RARB: variants seen among roughly 807,000 people sequenced by gnomAD.
RARB encodes the protein HBV-activated protein.
Under a neutral mutation model 51.9 loss-of-function variants are expected in RARB, and 17 were observed. That is an observed-to-expected ratio of 0.33 (90% CI 0.22 to 0.49). The LOEUF is 0.49. RARB is among the 20% of genes least tolerant of loss of function. RARB has a pLI of 0.99. For missense variants in RARB, 369 were observed against 550.8 expected (o/e 0.67, Z 3.30); for synonymous variants, 215 against 195.4 (o/e 1.10, Z -0.84).
intron 3 of RARB, among the ~76,000 whole-genome samples, chr3:25,078,640 G>T (rs989194343): frequency 6.6e-6 from 1 of 151,450 alleles, no homozygotes; most frequent in South Asian, 2.1e-4. Flanking sequence ...ATGTTCAAGC[G>T]ATTCTCCTGC....
At chr3:24,952,888 G>GT (rs1445980663) in intron 2 of RARB, among the ~76,000 whole-genome samples, 32 of 151,266 alleles carry the variant, frequency 2.1e-4, no homozygotes, top group African/African-American at 7.5e-4. Context: ...TTTTTTGTTT[G>GT]TTTGTTTTGT....
At chr3:24,999,827 A>G (rs888202902) in intron 2 of RARB, among the ~76,000 whole-genome samples, 3 of 152,170 alleles carry the variant, frequency 2.0e-5, no homozygotes, top group Admixed American at 6.5e-5. Flanking sequence ...TTTTAACTTC[A>G]GGGACGTTTT....
intron 5 of RARB, among the ~76,000 whole-genome samples, chr3:25,328,611 C>T (rs181932157): frequency 1.1e-4 from 16 of 152,306 alleles, no homozygotes; most frequent in South Asian, 4.1e-4. Flanking sequence ...CCAGCATGAG[C>T]GACACAGAAG....
At chr3:25,441,232 C>T in intron 1 of RARB, 1 of 364,380 alleles carries the variant, frequency 2.7e-6, no homozygotes, top group South Asian at 2.4e-5. Flanking sequence ...TCAAAAAGGC[C>T]AACCAGATAG....
chr3:24,846,053 A>G (rs1040744784), intron 1 of RARB, among the ~76,000 whole-genome samples: 2 of 152,214 alleles, frequency 1.3e-5, no homozygotes, highest in Non-Finnish European at 2.9e-5. Context: ...CTCCAGTGCA[A>G]CAGGGTTACT....
At chr3:25,106,179 TGTATC>T (rs1699495247) in intron 3 of RARB, among the ~76,000 whole-genome samples, 1 of 150,572 alleles carries the variant, frequency 6.6e-6, no homozygotes, top group Non-Finnish European at 1.5e-5. Context: ...TACTCTGTAT[TGTATC>T]AAGCCTAAAT....
chr3:25,169,536 G>C (rs1700609540), intron 4 of RARB, among the ~76,000 whole-genome samples: 1 of 152,144 alleles, frequency 6.6e-6, no homozygotes, highest in South Asian at 2.1e-4. Context: ...TAACTCAACT[G>C]TAACAATATT....
chr3:24,927,640 T>C (rs150319879), intron 2 of RARB, among the ~76,000 whole-genome samples: 1 of 152,196 alleles, frequency 6.6e-6, no homozygotes, highest in African/African-American at 2.4e-5. Flanking sequence ...CCAAGAAATA[T>C]TCATACCCTC....
chr3:25,147,426 C>T (rs1700210824), intron 4 of RARB, among the ~76,000 whole-genome samples: 1 of 152,132 alleles, frequency 6.6e-6, no homozygotes, highest in Non-Finnish European at 1.5e-5. Flanking sequence ...AAGGTTACTT[C>T]TTCTAGAGTA....
chr3:25,181,084 T>C (rs1296698769), intron 5 of RARB, among the ~76,000 whole-genome samples: 2 of 152,170 alleles, frequency 1.3e-5, no homozygotes, highest in Admixed American at 1.3e-4. Flanking sequence ...CAGTCCTCTT[T>C]TCATAACTCT....
intron 2 of RARB, among the ~76,000 whole-genome samples, chr3:24,921,554 C>A (rs1695216526): frequency 6.6e-6 from 1 of 152,152 alleles, no homozygotes; most frequent in Admixed American, 6.5e-5. Flanking sequence ...TACCAGTGAG[C>A]TTCCTGCCTC....
At chr3:24,938,094 G>T (rs901411815) in intron 2 of RARB, among the ~76,000 whole-genome samples, 6 of 152,146 alleles carry the variant, frequency 3.9e-5, no homozygotes, top group African/African-American at 1.2e-4. Context: ...TTGTTTGAGG[G>T]AGGGATGGAG....
chr3:25,224,613 C>T (rs866234232), intron 5 of RARB, among the ~76,000 whole-genome samples: 1 of 151,910 alleles, frequency 6.6e-6, no homozygotes, highest in Non-Finnish European at 1.5e-5. Flanking sequence ...ATTAATTTTG[C>T]CTATTATTAT....
chr3:24,908,148 T>A (rs1448059842), intron 2 of RARB, among the ~76,000 whole-genome samples: 1 of 152,202 alleles, frequency 6.6e-6, no homozygotes, highest in Non-Finnish European at 1.5e-5. Flanking sequence ...AGCCTCTGAA[T>A]GATGGCCAGT....
intron 3 of RARB, among the ~76,000 whole-genome samples, chr3:25,069,577 A>G (rs1334660694): frequency 2.6e-5 from 4 of 152,164 alleles, no homozygotes; most frequent in Admixed American, 6.5e-5. Context: ...AAAATTCCTC[A>G]TCTCACTGTC....
At chr3:25,123,649 G>C (rs1469930286) in intron 3 of RARB, among the ~76,000 whole-genome samples, 1 of 152,092 alleles carries the variant, frequency 6.6e-6, no homozygotes, top group Non-Finnish European at 1.5e-5. Flanking sequence ...AAAACTTCTT[G>C]TTTAAGCTCA....
chr3:25,224,312 A>G (rs1318955984), intron 5 of RARB, among the ~76,000 whole-genome samples: 1 of 152,214 alleles, frequency 6.6e-6, no homozygotes, highest in African/African-American at 2.4e-5. Context: ...CAGTTTTAAC[A>G]TGTTGAGTGA....
rs140024010 is a variant in RARB at position 25,209,178 on chromosome 3, C to G, written c.178+34603C>G. 3.8e-3 allele frequency among the ~76,000 whole-genome samples: 584 copies of G among 152,266 alleles called. 3 individuals are homozygous for G. The highest frequency in any genetic ancestry group is 0.014 in the African/African-American group (562 of 41,558). The stretch of plus-strand genomic sequence containing the variant: ...TTTTCATGGGTCCCAACCAGTTGAC[C>G]CTTCGTCGGTCAGTTGGAACTCCAT... On this transcript the variant is annotated intron_variant, in intron 5 of 11. Transcript: ENST00000383772.
chr3:25,073,044 T>G (rs1201159408), intron 3 of RARB, among the ~76,000 whole-genome samples: 1 of 152,134 alleles, frequency 6.6e-6, no homozygotes, highest in African/African-American at 2.4e-5. Context: ...CATTTGAATA[T>G]TGTCATTTCT....
Sources: gnomAD v4.1 joint callset for allele counts (sites outside exome capture counted in the v4.1 genomes callset) on GRCh38, gnomAD v4.1.1 for gene constraint, MANE v1.5 for transcripts, NCBI Gene and HGNC (gene_info 2026-07-23, HGNC 2026-07-21) for gene names.